The following ZFAT variants were observed in gnomAD, a reference collection of about 807,000 sequenced individuals.
ZFAT encodes zinc finger and AT-hook domain containing, also known as zinc finger protein ZFAT.
In ZFAT, 64 loss-of-function variants were observed where a neutral mutation model predicts 117.7. That is an observed-to-expected ratio of 0.54 (90% CI 0.44 to 0.67). The LOEUF (loss-of-function observed/expected upper bound fraction) is 0.67. Ranked by LOEUF, ZFAT falls within the 30% of genes least tolerant of loss-of-function variation. The pLI, the probability that ZFAT is intolerant of heterozygous loss-of-function variation, is 0.00. For synonymous variants in ZFAT, 679 were observed against 615.0 expected (o/e 1.10, Z -1.54); for missense variants, 1,433 against 1,584.5 (o/e 0.90, Z 1.62).
At chr8:134,565,647 C>A in intron 10 of ZFAT, 1 of 641,688 alleles carries the variant, frequency 1.6e-6, no homozygotes, top group Non-Finnish European at 2.8e-6. Context: ...ACAGCCAGCT[C>A]CACCTGGGGA....
chr8:134,773,350 G>A, the ZFAT span, among the ~76,000 whole-genome samples: 4 of 152,240 alleles, frequency 2.6e-5, no homozygotes, highest in East Asian at 5.8e-4. Context: ...CTGCTCAGAC[G>A]AAAGATTCTT....
At position 134,620,658 on chromosome 8, in the gene ZFAT, G is replaced by A. The variant is rs895161741; in HGVS notation, c.449-10003C>T. On this transcript the variant is annotated intron_variant, in intron 3 of 15. Coordinates refer to ENST00000377838, the MANE Select transcript of ZFAT (RefSeq NM_020863.4). The stretch of plus-strand genomic sequence containing the variant: ...CACGGCTGCTAAAAGTCACTCTTCC[G>A]AGATGGTAGGATACAGCGCAGGGCC... Among the ~76,000 whole-genome samples the A allele has an allele frequency of 1.8e-4, 28 of 152,210 alleles. 1 individual carries two copies. The highest frequency in any genetic ancestry group is 4.6e-4 in the Admixed American group (7 of 15,284).
At chr8:134,497,212 T>G (rs1280967989) in intron 15 of ZFAT, among the ~76,000 whole-genome samples, 1 of 152,210 alleles carries the variant, frequency 6.6e-6, no homozygotes, top group African/African-American at 2.4e-5. Flanking sequence ...CGTTCTGAGT[T>G]ATTGGAGGAT....
chr8:134,594,639 T>A (rs183016936), intron 7 of ZFAT, among the ~76,000 whole-genome samples: 1 of 152,336 alleles, frequency 6.6e-6, no homozygotes, highest in East Asian at 1.9e-4. Flanking sequence ...ATTAGAAGGA[T>A]GAATTACTCT....
At chr8:134,761,799 A>G in the ZFAT span, among the ~76,000 whole-genome samples, 2 of 152,202 alleles carry the variant, frequency 1.3e-5, no homozygotes, top group Non-Finnish European at 2.9e-5. Flanking sequence ...TTCAACAATA[A>G]GTCACAACAA....
At chr8:134,655,898 A>G (rs1831572007) in intron 2 of ZFAT, among the ~76,000 whole-genome samples, 1 of 151,244 alleles carries the variant, frequency 6.6e-6, no homozygotes, top group African/African-American at 2.4e-5. Context: ...TACAAAAAAT[A>G]CAAAACTTAG....
rs531758301 is a variant in ZFAT at position 134,670,460 on chromosome 8, G to A, written c.20-12723C>T. On this transcript the variant is annotated intron_variant, in intron 1 of 15. Transcript: ENST00000377838. The stretch of plus-strand genomic sequence containing the variant: ...AGGATTAAGAAACTCAATCAAAATC[G>A]CTCAACTACATGGAAACTGAACAAC... Among the ~76,000 whole-genome samples, 719 of 152,278 alleles carry A rather than the reference G, an allele frequency of 4.7e-3. 3 individuals are homozygous for A. Among genetic ancestry groups the A allele is most frequent in the African/African-American group, 0.016 (657 of 41,544 alleles).
intron 15 of ZFAT, among the ~76,000 whole-genome samples, chr8:134,480,941 G>C (rs1817260819): frequency 6.6e-6 from 1 of 152,188 alleles, no homozygotes; most frequent in African/African-American, 2.4e-5. Flanking sequence ...AATGGAAAAG[G>C]TTCCTCTGGG....
Position 134,478,420 on chromosome 8 carries a change from C to T in ZFAT, c.*62G>A. 6.6e-7 allele frequency: 1 copy of T among 1,522,534 alleles called. No homozygotes were observed. Among genetic ancestry groups the T allele is most frequent in the Non-Finnish European group, 8.8e-7 (1 of 1,132,188 alleles). The allele number at this position is 1,522,534 out of a possible 1,614,324, so 94.3% of individuals were successfully genotyped here. A position where few individuals can be genotyped will look rare whatever the true frequency, so the allele number is the denominator to read the frequency against. On this transcript the variant is annotated 3_prime_UTR_variant, in exon 16 of 16. Coordinates refer to ENST00000377838, the MANE Select transcript of ZFAT (RefSeq NM_020863.4). The surrounding 1 kb of genome is among the most constrained non-coding windows in gnomAD (Gnocchi z 5.2). ...GGTAGGGCAGGAAGGGTGGCCTCCCCACCCTGGGTGCCTGCAGAGCCTGGC... is the reference window on the plus strand; with the variant it reads ...GGTAGGGCAGGAAGGGTGGCCTCCCTACCCTGGGTGCCTGCAGAGCCTGGC...
chr8:134,697,082 T>A (rs1833880205), intron 1 of ZFAT, among the ~76,000 whole-genome samples: 1 of 151,496 alleles, frequency 6.6e-6, no homozygotes, highest in African/African-American at 2.4e-5. Context: ...CACATCTGGC[T>A]AATTGTTTTG....
At chr8:134,567,495 CCAT>C (rs1824557205) in intron 10 of ZFAT, among the ~76,000 whole-genome samples, 1 of 151,718 alleles carries the variant, frequency 6.6e-6, no homozygotes, top group East Asian at 1.9e-4. Flanking sequence ...ATCCATCCAT[CCAT>C]CAACCATAAT....
intron 12 of ZFAT, among the ~76,000 whole-genome samples, chr8:134,526,865 G>A (rs953651901): frequency 4.6e-5 from 7 of 150,688 alleles, no homozygotes; most frequent in Admixed American, 6.6e-5. Context: ...TTTTTGAGAT[G>A]AGCCACTGCA....
intron 2 of ZFAT, among the ~76,000 whole-genome samples, chr8:134,649,349 G>A (rs957102640): frequency 1.1e-4 from 16 of 152,006 alleles, no homozygotes; most frequent in Admixed American, 3.3e-4. Context: ...AAAGAATCCA[G>A]ATTAGAAAGG....
At chr8:134,608,172 T>C (rs1828035455) in intron 5 of ZFAT, among the ~76,000 whole-genome samples, 1 of 152,224 alleles carries the variant, frequency 6.6e-6, no homozygotes, top group Admixed American at 6.5e-5. Context: ...ACAGTACTTT[T>C]GGTATTTAGT....
chr8:134,483,458 C>G (rs943472944), intron 15 of ZFAT, among the ~76,000 whole-genome samples: 1 of 152,216 alleles, frequency 6.6e-6, no homozygotes, highest in East Asian at 1.9e-4. Context: ...CTCTTTACTC[C>G]TCCTGATTAG....
chr8:134,506,153 A>G (rs1819391134), intron 15 of ZFAT, among the ~76,000 whole-genome samples: 1 of 152,196 alleles, frequency 6.6e-6, no homozygotes, highest in Non-Finnish European at 1.5e-5. Context: ...TCTTCCATTT[A>G]CCTTCTTAGG....
At chr8:134,506,960 C>T (rs1390221747) in intron 15 of ZFAT, among the ~76,000 whole-genome samples, 1 of 152,174 alleles carries the variant, frequency 6.6e-6, no homozygotes, top group Non-Finnish European at 1.5e-5. Context: ...TTGTAGGATA[C>T]AATTGAAGAA....
chr8:134,791,147 A>C, the ZFAT span, among the ~76,000 whole-genome samples: 1 of 152,328 alleles, frequency 6.6e-6, no homozygotes, highest in East Asian at 1.9e-4. Context: ...TCACATTTTT[A>C]AGCTAAGCAT....
At chr8:134,630,997 G>A (rs1221841908) in intron 3 of ZFAT, among the ~76,000 whole-genome samples, 3 of 152,204 alleles carry the variant, frequency 2.0e-5, no homozygotes, top group Admixed American at 1.3e-4. Flanking sequence ...GCAATCACAT[G>A]GATGCCAGCC....
Sources: gnomAD v4.1 joint callset for allele counts (sites outside exome capture counted in the v4.1 genomes callset) on GRCh38, gnomAD v4.1.1 for gene constraint, Gnocchi (gnomAD v3.1) non-coding constraint, MANE v1.5 for transcripts, NCBI Gene and HGNC (gene_info 2026-07-23, HGNC 2026-07-21) for gene names.